UIMC1: variants seen among roughly 807,000 people sequenced by gnomAD.
UIMC1 encodes BRCA1-A complex subunit RAP80.
In UIMC1, 42 loss-of-function variants were observed where a neutral mutation model predicts 84.9. That is an observed-to-expected ratio of 0.49 (90% CI 0.39 to 0.64). UIMC1 has a LOEUF of 0.64. UIMC1 is among the 30% of genes least tolerant of loss of function. The pLI, the probability that UIMC1 is intolerant of heterozygous loss-of-function variation, is 0.00. For synonymous variants in UIMC1, 281 were observed against 293.0 expected (o/e 0.96, Z 0.42); for missense variants, 825 against 847.6 (o/e 0.97, Z 0.33).
intron 2 of UIMC1, among the ~76,000 whole-genome samples, chr5:176,977,728 G>C (rs145121610): frequency 1.4e-4 from 21 of 151,346 alleles, no homozygotes; most frequent in Non-Finnish European, 2.2e-4. Flanking sequence ...TGGCCAACAT[G>C]GTAAAACCCC....
chr5:176,995,758 G>A (rs1217685089), intron 1 of UIMC1, among the ~76,000 whole-genome samples: 1 of 148,570 alleles, frequency 6.7e-6, no homozygotes, highest in Non-Finnish European at 1.5e-5. Context: ...CAGGACAATC[G>A]CTTGAACCTG....
chr5:176,983,308 C>T (rs1048747459), intron 1 of UIMC1, among the ~76,000 whole-genome samples: 8 of 151,544 alleles, frequency 5.3e-5, no homozygotes, highest in African/African-American at 1.7e-4. Flanking sequence ...GATCTTGGCT[C>T]GCTGCAACCT....
Position 176,911,381 on chromosome 5 carries a change from G to C in UIMC1, c.1606C>G (p.Arg536Gly). ...TTGGTCTTGGCCTCTTTTTGTCTCCGAGTCAATACTTTTAATATAAAAAAT... is the reference window on the plus strand; with the variant it reads ...TTGGTCTTGGCCTCTTTTTGTCTCCCAGTCAATACTTTTAATATAAAAAAT... ...GLMEEDTVLTRRQKEAKTKSD... is the reference protein window; with the variant it reads ...GLMEEDTVLTGRQKEAKTKSD... Residue 536 changes from arginine (R) to glycine (G), a missense_variant, in exon 11 of 15, where the codon CGG (arginine) becomes GGG (glycine). Physicochemically the swap from Arg to Gly is moderately radical, Grantham distance 125. Transcript: ENST00000511320. 1 of 1,583,674 alleles carries C rather than the reference G, an allele frequency of 6.3e-7. No homozygotes were observed. Among genetic ancestry groups the C allele is most frequent in the Non-Finnish European group, 8.6e-7 (1 of 1,164,254 alleles).
At chr5:176,975,014 G>A (rs576832951) in intron 3 of UIMC1, among the ~76,000 whole-genome samples, 4 of 151,950 alleles carry the variant, frequency 2.6e-5, no homozygotes, top group East Asian at 1.9e-4. Flanking sequence ...TTAGCCAGGC[G>A]TCGTGGGGCA....
Position 176,985,456 on chromosome 5 carries a change from CAA to C in UIMC1, c.-8-2835_-8-2834del, listed in dbSNP as rs35535020. Among the ~76,000 whole-genome samples, 347 of 88,516 alleles carry C rather than the reference CAA, an allele frequency of 3.9e-3. 1 individual carries two copies. The highest frequency in any genetic ancestry group is 0.011 in the African/African-American group (313 of 29,582). The allele number at this position is 88,516 out of a possible 152,430, so 58.1% of individuals were successfully genotyped here. A position where few individuals can be genotyped will look rare whatever the true frequency, so the allele number is the denominator to read the frequency against. On this transcript the variant is annotated intron_variant, in intron 1 of 14. Transcript: ENST00000511320. ...GGGCAACAAGAGGGGAATTCTGTCT[CAA>C]AAAAAAAAAAAAAACAACTATATAA...
intron 14 of UIMC1, 181 bp from the exon 15 acceptor site, chr5:176,905,673 C>T: frequency 1.5e-6 from 1 of 669,610 alleles, no homozygotes; most frequent in South Asian, 2.0e-5. Context: ...AAATCATATA[C>T]TACTTAAAGC....
intron 2 of UIMC1, among the ~76,000 whole-genome samples, chr5:176,976,603 A>C (rs1770111914): frequency 6.6e-6 from 1 of 152,236 alleles, no homozygotes; most frequent in South Asian, 2.1e-4. Flanking sequence ...GTGGAAAAAA[A>C]AGAAATGAGG....
At chr5:176,990,795 T>A (rs1772720094) in intron 1 of UIMC1, among the ~76,000 whole-genome samples, 1 of 151,942 alleles carries the variant, frequency 6.6e-6, no homozygotes, top group South Asian at 2.1e-4. Flanking sequence ...TGCCCCAGCT[T>A]CCCAGGTAGG....
chr5:176,942,739 C>T (rs1209014464), intron 10 of UIMC1, among the ~76,000 whole-genome samples: 2 of 135,648 alleles, frequency 1.5e-5, no homozygotes, highest in Non-Finnish European at 3.1e-5. Flanking sequence ...GAGCGAGACT[C>T]CGTCTTAAAA....
At position 176,907,139 on chromosome 5, in the gene UIMC1, C is replaced by G. The variant is rs372804609; in HGVS notation, c.1887G>C (p.Leu629Phe). ...GHSEGRLLSFLEQSEHKTSDA... is the reference protein window; with the variant it reads ...GHSEGRLLSFFEQSEHKTSDA... Reference sequence around the variant, plus strand: ...CTGAAGTCTTGTGCTCAGACTGTTCCAAGAAACTAAGGAGTCGGCCTTCAC... The same window carrying G: ...CTGAAGTCTTGTGCTCAGACTGTTCGAAGAAACTAAGGAGTCGGCCTTCAC... The change falls in exon 13 of 15, where the codon TTG (leucine) becomes TTC (phenylalanine). Residue 629 changes from leucine (L) to phenylalanine (F), a missense_variant. Leu to Phe is a conservative substitution (Grantham distance 22). Transcript: ENST00000511320. 2 of 1,613,868 alleles carry G rather than the reference C, an allele frequency of 1.2e-6. No homozygotes were observed. Among genetic ancestry groups the G allele is most frequent in the South Asian group, 1.1e-5 (1 of 91,028 alleles).
chr5:176,920,248 G>A (rs900634745), intron 10 of UIMC1, among the ~76,000 whole-genome samples: 1 of 151,714 alleles, frequency 6.6e-6, no homozygotes, highest in Non-Finnish European at 1.5e-5. Flanking sequence ...GGCTAGTCTC[G>A]AACTCCTGAC....
rs781678326 is a variant in UIMC1, at chr5:176,908,710, A to C, written c.1677-16T>G. The C allele has an allele frequency of 1.9e-5, 30 of 1,605,600 alleles. No individual in the cohort carries two copies. Among genetic ancestry groups the C allele is most frequent in the Non-Finnish European group, 2.2e-5 (26 of 1,175,080 alleles). ...CTTCTCATTCCTATCCAATAAGAAAAAAGGAAGAAAACACAGTTTTAAGAT... is the reference window on the plus strand; with the variant it reads ...CTTCTCATTCCTATCCAATAAGAAACAAGGAAGAAAACACAGTTTTAAGAT... On this transcript the variant is annotated splice_polypyrimidine_tract_variant and intron_variant, in intron 11 of 14. Transcript: ENST00000511320.
Position 176,961,104 on chromosome 5 carries a change from G to A in UIMC1, c.1201-2950C>T, listed in dbSNP as rs1440555729. Among the ~76,000 whole-genome samples the A allele has an allele frequency of 6.2e-5, 5 of 80,502 alleles. 1 individual carries two copies. The highest frequency in any genetic ancestry group is 1.1e-4 in the Non-Finnish European group (5 of 43,678). 52.8% of individuals were successfully genotyped at this position (80,502 alleles called of 152,430 possible). On this transcript the variant is annotated intron_variant, in intron 6 of 14. Transcript: ENST00000511320. The stretch of plus-strand genomic sequence containing the variant: ...TGCCTGGCCGCCCATCGTCTGGGAT[G>A]TGAGGAGCCCCTCTGCTCGGCTGCC...
At position 176,911,180 on chromosome 5, in the gene UIMC1, T is replaced by C. The variant is rs989438161; in HGVS notation, c.1676+131A>G. On this transcript the variant is annotated intron_variant, in intron 11 of 14. Coordinates refer to ENST00000511320, the MANE Select transcript of UIMC1 (RefSeq NM_001199298.2). ...GAAAAGAAAAGAAAAGAAAAGAAAA[T>C]TCAGGCATCCAAGCAATGAAGCAAT... 98 of 476,872 alleles carry C rather than the reference T, an allele frequency of 2.1e-4. 2 individuals are homozygous for C. Among genetic ancestry groups the C allele is most frequent in the Admixed American group, 4.0e-4 (11 of 27,290 alleles). 29.5% of individuals were successfully genotyped at this position (476,872 alleles called of 1,614,324 possible).
At chr5:176,986,112 C>T (rs1288857711) in intron 1 of UIMC1, among the ~76,000 whole-genome samples, 1 of 151,060 alleles carries the variant, frequency 6.6e-6, no homozygotes, top group Non-Finnish European at 1.5e-5. Context: ...CCTGTGTCTA[C>T]AGGATAGAAG....
At chr5:176,992,394 G>A (rs772036521) in intron 1 of UIMC1, among the ~76,000 whole-genome samples, 1 of 151,456 alleles carries the variant, frequency 6.6e-6, no homozygotes, top group Non-Finnish European at 1.5e-5. Flanking sequence ...GGGAGCCAAG[G>A]CAGAAGGATC....
intron 1 of UIMC1, among the ~76,000 whole-genome samples, chr5:176,998,985 T>G (rs1202352435): frequency 1.3e-5 from 2 of 151,840 alleles, no homozygotes; most frequent in East Asian, 1.9e-4. Flanking sequence ...AGCTAGGGGG[T>G]TTGAGACCAG....
intron 1 of UIMC1, among the ~76,000 whole-genome samples, chr5:177,005,718 G>A (rs1389646323): frequency 6.6e-6 from 1 of 151,812 alleles, no homozygotes; most frequent in Admixed American, 6.6e-5. Context: ...TCCCTTGACA[G>A]GAAAACAATA....
chr5:177,019,758 C>G (rs1431984017), intron 1 of UIMC1, among the ~76,000 whole-genome samples: 3 of 151,962 alleles, frequency 2.0e-5, no homozygotes, highest in Non-Finnish European at 4.4e-5. Flanking sequence ...AAGATGAAAC[C>G]CCGTCTCTAC....
Sources: gnomAD v4.1 joint callset for allele counts (sites outside exome capture counted in the v4.1 genomes callset) on GRCh38, gnomAD v4.1.1 for gene constraint, MANE v1.5 for transcripts, NCBI Gene and HGNC (gene_info 2026-07-23, HGNC 2026-07-21) for gene names.